The following ACLY variants were observed in gnomAD, a reference collection of about 807,000 sequenced individuals.
The protein encoded by ACLY is ATP-citrate synthase.
ACLY carries 41 observed loss-of-function variants against 133.0 expected under a neutral mutation model. The ratio of observed to expected loss-of-function variants is 0.31; its 90% CI spans 0.24 to 0.40. The LOEUF (loss-of-function observed/expected upper bound fraction) is 0.40, where lower values mean the gene tolerates loss of function less well. ACLY is among the 10% of genes least tolerant of loss of function. The pLI, the probability that ACLY is intolerant of heterozygous loss-of-function variation, is 1.00. For missense variants in ACLY, 1,046 were observed against 1,453.8 expected (o/e 0.72, Z 4.56); for synonymous variants, 495 against 549.3 (o/e 0.90, Z 1.38).
intron 16 of ACLY, among the ~76,000 whole-genome samples, chr17:41,890,620 G>A (rs879973908): frequency 9.2e-5 from 14 of 151,926 alleles, no homozygotes; most frequent in African/African-American, 1.7e-4. Flanking sequence ...CCCGGGAGGC[G>A]GAGGTTGCGG....
At chr17:41,916,021 G>A (rs1020049019) in intron 1 of ACLY, among the ~76,000 whole-genome samples, 2 of 152,142 alleles carry the variant, frequency 1.3e-5, no homozygotes, top group East Asian at 3.9e-4. Context: ...ACCCAACTTT[G>A]GAAAGGACAA....
intron 15 of ACLY, 64 bp from the exon 16 acceptor site, chr17:41,892,511 T>C: frequency 6.8e-7 from 1 of 1,473,098 alleles, no homozygotes; most frequent in Non-Finnish European, 9.3e-7. Context: ...AAGGGGAAGC[T>C]GAGGGGAGGA....
At chr17:41,918,193 T>C (rs1157359216) in intron 1 of ACLY, among the ~76,000 whole-genome samples, 1 of 152,076 alleles carries the variant, frequency 6.6e-6, no homozygotes, top group Non-Finnish European at 1.5e-5. Context: ...AGCTCAAGGG[T>C]GGGGTGGCAC....
chr17:41,881,338 G>A (rs1555627282), intron 20 of ACLY, among the ~76,000 whole-genome samples: 1 of 145,912 alleles, frequency 6.9e-6, no homozygotes, highest in African/African-American at 2.6e-5. Flanking sequence ...TAGGAGAATT[G>A]CTTAAACCAG....
intron 3 of ACLY, 141 bp downstream of exon 3, chr17:41,912,279 G>T: frequency 9.4e-7 from 1 of 1,064,426 alleles, no homozygotes; most frequent in Non-Finnish European, 1.3e-6. Context: ...CCACCTGAGT[G>T]GGTCAGCGCC....
In ACLY at chr17:41,886,200, G is replaced by T; in HGVS notation, c.1984C>A (p.Arg662Ser). 1.2e-6 allele frequency: 2 copies of T among 1,614,212 alleles called. No individual in the cohort carries two copies. The highest frequency in any genetic ancestry group is 1.1e-5 in the South Asian group (1 of 91,084). Reference sequence around the variant, plus strand: ...AGCTCGTTGGACATGCCTCCGGAACGTGAGACATAGGCCACGCTGCCTGGG... The same window carrying T: ...AGCTCGTTGGACATGCCTCCGGAACTTGAGACATAGGCCACGCTGCCTGGG... The part of the protein sequence containing the change: ...YRPGSVAYVS[R>S]SGGMSNELNN... The change falls in exon 18 of 29, where the codon CGT becomes AGT. Residue 662 changes from arginine (R) to serine (S), a missense_variant. Coordinates refer to ENST00000352035, the MANE Select transcript of ACLY (RefSeq NM_001096.3).
At position 41,882,367 on chromosome 17, in the gene ACLY, CAAAAAAAAAAAAAAAAA is replaced by C. The variant is rs34078258; in HGVS notation, c.2265+738_2265+754del. ...GGGCGACAGAGTGAGACCCTGTCTC[CAAAAAAAAAAAAAAAAA>C]AAAAAAAAAAAAAGTTGTTTCCAGT... On this transcript the variant is annotated intron_variant, in intron 20 of 28. Transcript: ENST00000352035. Among the ~76,000 whole-genome samples, 4 of 40,252 alleles carry C rather than the reference CAAAAAAAAAAAAAAAAA, an allele frequency of 9.9e-5. 1 individual carries two copies. Among genetic ancestry groups the C allele is most frequent in the East Asian group, 9.9e-4 (1 of 1,014 alleles). The allele number at this position is 40,252 out of a possible 152,430, so 26.4% of individuals were successfully genotyped here.
chr17:41,883,077 T>G (rs781927651), intron 20 of ACLY, 45 bp downstream of exon 20: 1 of 1,518,926 alleles, frequency 6.6e-7, no homozygotes, highest in Non-Finnish European at 9.0e-7. Flanking sequence ...TGCCCCCTCT[T>G]GCAATCCCCA....
chr17:41,902,110 A>AT (rs1555631747), intron 10 of ACLY, among the ~76,000 whole-genome samples: 3 of 152,094 alleles, frequency 2.0e-5, no homozygotes, highest in Non-Finnish European at 4.4e-5. Context: ...CTCTTACTAC[A>AT]TTTTTGTTTT....
intron 16 of ACLY, among the ~76,000 whole-genome samples, chr17:41,890,837 C>CTAAA (rs2049188387): frequency 1.4e-5 from 1 of 73,188 alleles, no homozygotes; most frequent in African/African-American, 6.1e-5. Flanking sequence ...CCCATCTGTA[C>CTAAA]AAAAAAAAAA....
intron 20 of ACLY, among the ~76,000 whole-genome samples, chr17:41,882,063 T>C (rs782051157): frequency 1.1e-4 from 17 of 151,976 alleles, no homozygotes; most frequent in African/African-American, 1.9e-4. Flanking sequence ...AGTCCCCTCC[T>C]GATAAGCATG....
intron 18 of ACLY, 55 bp from the exon 19 acceptor site, chr17:41,884,329 G>A (rs2048995571): frequency 8.4e-7 from 1 of 1,194,516 alleles, no homozygotes; most frequent in African/African-American, 1.5e-5. Flanking sequence ...CTGGGGAAGT[G>A]TGTACAGGGT....
upstream of ACLY, among the ~76,000 whole-genome samples, chr17:41,922,761 G>T (rs1318558903): frequency 6.6e-6 from 1 of 152,176 alleles, no homozygotes; most frequent in African/African-American, 2.4e-5. Flanking sequence ...CTCCATTTAG[G>T]TGTTGCTAGG....
chr17:41,875,971 G>A (rs1321319105), intron 22 of ACLY, among the ~76,000 whole-genome samples: 12 of 151,330 alleles, frequency 7.9e-5, no homozygotes, highest in East Asian at 2.0e-4. Flanking sequence ...GTCTCTGCCC[G>A]GCCGCTATCC....
At chr17:41,895,994 C>A (rs1305386663) in intron 14 of ACLY, among the ~76,000 whole-genome samples, 1 of 152,168 alleles carries the variant, frequency 6.6e-6, no homozygotes, top group African/African-American at 2.4e-5. Context: ...AAAGCTCATA[C>A]CCCTTCCAAT....
At chr17:41,894,644 T>C (rs142627466) in intron 14 of ACLY, among the ~76,000 whole-genome samples, 6 of 151,270 alleles carry the variant, frequency 4.0e-5, no homozygotes, top group African/African-American at 1.5e-4. Context: ...ACCCCTACTA[T>C]GTACCCACAA....
chr17:41,887,701 G>A lies in ACLY; in HGVS notation c.1773C>T (p.Ile591=). 6.2e-7 allele frequency: 1 copy of A among 1,613,432 alleles called. No individual in the cohort carries two copies. Among genetic ancestry groups the A allele is most frequent in the East Asian group, 2.2e-5 (1 of 44,866 alleles). Reference sequence around the variant, plus strand: ...CTTCAGCTATGATGGCGATGGTCCGGATCTAGAGGATGACAAAAGTCCCTT... The same window carrying A: ...CTTCAGCTATGATGGCGATGGTCCGAATCTAGAGGATGACAAAAGTCCCTT... The part of the protein sequence containing the change: ...STMETMNYAQ[I]RTIAIIAEGI... Residue 591 remains isoleucine (I), a splice_region_variant and synonymous_variant, in exon 17 of 29, where the codon ATC becomes ATT. Coordinates refer to ENST00000352035, the MANE Select transcript of ACLY (RefSeq NM_001096.3).
intron 14 of ACLY, 124 bp from the exon 15 acceptor site, chr17:41,893,298 G>T: frequency 1.8e-6 from 2 of 1,103,624 alleles, no homozygotes; most frequent in African/African-American, 1.6e-5. Context: ...CATCACAACC[G>T]TAAAGGAATG....
intron 6 of ACLY, among the ~76,000 whole-genome samples, chr17:41,907,794 C>G (rs1242920134): frequency 6.6e-6 from 1 of 152,206 alleles, no homozygotes; most frequent in Non-Finnish European, 1.5e-5. Context: ...GACCTATAGG[C>G]AATGGGACAT....
Sources: allele counts gnomAD v4.1 joint callset (sites outside exome capture counted in the v4.1 genomes callset), GRCh38; gene constraint gnomAD v4.1.1; transcripts MANE v1.5; gene names NCBI Gene and HGNC (gene_info 2026-07-23, HGNC 2026-07-21).